SPOCK3: variants seen among roughly 807,000 people sequenced by gnomAD.
SPOCK3 encodes SPARC (osteonectin), cwcv and kazal like domains proteoglycan 3.
Under a neutral mutation model 56.6 loss-of-function variants are expected in SPOCK3, and 30 were observed. The observed-to-expected ratio is 0.53, with a 90% confidence interval of 0.40 to 0.72. The LOEUF (loss-of-function observed/expected upper bound fraction) is 0.72, where lower values mean the gene tolerates loss of function less well. SPOCK3 is among the 30% of genes least tolerant of loss of function. The probability of loss-of-function intolerance (pLI) is 0.00; values close to 1 mark genes in which losing one functional copy is unlikely to be tolerated. For missense variants in SPOCK3, 527 were observed against 530.0 expected, an observed-to-expected ratio of 0.99 and a Z score of 0.06; for synonymous variants, 196 against 183.3, an observed-to-expected ratio of 1.07 and a Z score of -0.56.
intron 7 of SPOCK3, among the ~76,000 whole-genome samples, chr4:166,779,289 A>G (rs1739907688): frequency 6.6e-6 from 1 of 152,188 alleles, no homozygotes; most frequent in Non-Finnish European, 1.5e-5. Flanking sequence ...CATTCTCAAA[A>G]AAAAAGTAAA....
chr4:167,042,444 T>A (rs1490179560), intron 3 of SPOCK3, among the ~76,000 whole-genome samples: 1 of 152,128 alleles, frequency 6.6e-6, no homozygotes, highest in Non-Finnish European at 1.5e-5. Flanking sequence ...TGATGTGGAG[T>A]TTGTGAAACT....
intron 2 of SPOCK3, among the ~76,000 whole-genome samples, chr4:167,139,775 C>T (rs1223905350): frequency 1.3e-5 from 2 of 151,976 alleles, no homozygotes; most frequent in Non-Finnish European, 2.9e-5. Context: ...TAAATAACAT[C>T]TCCATTAGAG....
intron 4 of SPOCK3, among the ~76,000 whole-genome samples, chr4:166,984,399 T>C (rs181762655): frequency 1.3e-5 from 2 of 152,226 alleles, no homozygotes; most frequent in East Asian, 1.9e-4. Context: ...AAAAGTTGAC[T>C]TTTTCTTCCT....
chr4:166,931,757 T>C lies in SPOCK3; in HGVS notation c.351-19014A>G, dbSNP rs146596235. 5.8e-3 allele frequency among the ~76,000 whole-genome samples: 881 copies of C among 152,340 alleles called. 6 individuals are homozygous for C. The highest frequency in any genetic ancestry group is 0.02 in the African/African-American group (830 of 41,574). On this transcript the variant is annotated intron_variant, in intron 4 of 10. Coordinates refer to ENST00000357545, the MANE Select transcript of SPOCK3 (RefSeq NM_001040159.2). ...TCACTTGTGTTATGTTTTCTAATTC[T>C]GATTTTAGGACAGGGACATAGTTAA...
At chr4:167,234,575 C>A (rs1037855100), upstream of SPOCK3, 2 of 222,092 alleles carry the variant, frequency 9.0e-6, no homozygotes. Context: ...CTCCCTGCGC[C>A]CGGCGCGCTC....
At chr4:166,816,571 C>T (rs1341112260) in intron 6 of SPOCK3, among the ~76,000 whole-genome samples, 2 of 151,938 alleles carry the variant, frequency 1.3e-5, no homozygotes, top group Admixed American at 1.3e-4. Flanking sequence ...GACAAGCTTC[C>T]TCTGGAGACA....
chr4:166,964,232 A>T (rs1053708403), intron 4 of SPOCK3, among the ~76,000 whole-genome samples: 1 of 151,852 alleles, frequency 6.6e-6, no homozygotes. Flanking sequence ...TTGTGAATAA[A>T]CATTTCATTT....
At chr4:167,028,308 T>C (rs1751910954) in intron 3 of SPOCK3, among the ~76,000 whole-genome samples, 1 of 151,510 alleles carries the variant, frequency 6.6e-6, no homozygotes, top group African/African-American at 2.4e-5. Context: ...GCCCAGGAGA[T>C]TGAGGCCGTA....
Position 166,742,072 on chromosome 4 carries a change from TA to T in SPOCK3, c.932-14del. The T allele has an allele frequency of 1.9e-6, 3 of 1,595,908 alleles. No individual in the cohort carries two copies. Among genetic ancestry groups the T allele is most frequent in the Non-Finnish European group, 2.6e-6 (3 of 1,165,274 alleles). On this transcript the variant is annotated splice_polypyrimidine_tract_variant and intron_variant, in intron 8 of 10. Transcript: ENST00000357545. ...TGGCAAGGTGGGTCTGCAATGACAT[TA>T]AAAATGTTACTTCAAGGATTCTAGT...
intron 6 of SPOCK3, among the ~76,000 whole-genome samples, chr4:166,829,011 A>C (rs1168754840): frequency 6.6e-6 from 1 of 152,054 alleles, no homozygotes; most frequent in East Asian, 1.9e-4. Context: ...GTGTTTGCTT[A>C]TGAGGATTTT....
At chr4:167,205,021 G>T (rs1468868347) in intron 2 of SPOCK3, among the ~76,000 whole-genome samples, 1 of 143,208 alleles carries the variant, frequency 7.0e-6, no homozygotes. Flanking sequence ...TTTTGGTAGA[G>T]AAGGTGTCTT....
intron 2 of SPOCK3, among the ~76,000 whole-genome samples, chr4:167,093,475 A>T (rs1758885896): frequency 6.6e-6 from 1 of 151,824 alleles, no homozygotes; most frequent in Admixed American, 6.6e-5. Flanking sequence ...CCGGTGCATG[A>T]TGTTCCCATC....
chr4:166,777,193 T>C (rs183852142), intron 7 of SPOCK3, among the ~76,000 whole-genome samples: 134 of 152,308 alleles, frequency 8.8e-4, no homozygotes, highest in Admixed American at 2.0e-3. Context: ...TTTAAATGCA[T>C]ATATTGATCT....
chr4:166,835,609 T>G (rs1490784429), intron 6 of SPOCK3, among the ~76,000 whole-genome samples: 2 of 152,196 alleles, frequency 1.3e-5, no homozygotes, highest in African/African-American at 4.8e-5. Flanking sequence ...TATTTTAGCT[T>G]CAGTGGGCTA....
At position 166,754,636 on chromosome 4, in the gene SPOCK3, G is replaced by C. The variant is rs1284927636; in HGVS notation, c.803C>G (p.Ser268Ter). 4 of 1,613,592 alleles carry C rather than the reference G, an allele frequency of 2.5e-6. No individual in the cohort carries two copies. Among genetic ancestry groups the C allele is most frequent in the Non-Finnish European group, 3.4e-6 (4 of 1,179,776 alleles). Residue 268 changes from serine (S) to a stop codon, truncating the protein, a stop_gained, in exon 8 of 11, where the codon TCA becomes TGA. Transcript: ENST00000357545. LOFTEE classifies it high-confidence loss of function. The stretch of plus-strand genomic sequence containing the variant: ...ATCAAGGTAAATGCTTCTGAGCTCT[G>C]ACTGGTCCAATAGCAGGTCATAGTT... The part of the protein sequence containing the change: ...DTNYDLLLDQ[S>*]ELRSIYLDKN...
intron 3 of SPOCK3, among the ~76,000 whole-genome samples, chr4:167,057,141 T>G (rs543373968): frequency 6.6e-6 from 1 of 152,238 alleles, no homozygotes; most frequent in South Asian, 2.1e-4. Context: ...TCAACATTCT[T>G]AAAGAAAAGA....
At chr4:167,031,009 T>C (rs1473537405) in intron 3 of SPOCK3, among the ~76,000 whole-genome samples, 1 of 152,086 alleles carries the variant, frequency 6.6e-6, no homozygotes, top group African/African-American at 2.4e-5. Flanking sequence ...ATTTCATATA[T>C]AGCATCATAT....
intron 2 of SPOCK3, among the ~76,000 whole-genome samples, chr4:167,070,853 T>C (rs10050205): frequency 0.19 from 28,898 of 151,876 alleles, 2,834 homozygotes; most frequent in Middle Eastern, 0.21. Flanking sequence ...AAAGGAATTA[T>C]CTATATGAGA....
chr4:167,096,590 A>G (rs1759174682), intron 2 of SPOCK3, among the ~76,000 whole-genome samples: 1 of 151,856 alleles, frequency 6.6e-6, no homozygotes, highest in Non-Finnish European at 1.5e-5. Context: ...TTACTGATTT[A>G]TAATAAATTC....
Sources: allele counts gnomAD v4.1 joint callset (sites outside exome capture counted in the v4.1 genomes callset), GRCh38; gene constraint gnomAD v4.1.1; transcripts MANE v1.5; gene names NCBI Gene and HGNC (gene_info 2026-07-23, HGNC 2026-07-21).